The following TBC1D2B variants were observed in gnomAD, a reference collection of about 807,000 sequenced individuals.
The protein encoded by TBC1D2B is TBC1 domain family, member 2B.
In TBC1D2B, 64 loss-of-function variants were observed where a neutral mutation model predicts 100.8. The ratio of observed to expected loss-of-function variants is 0.64; its 90% CI spans 0.52 to 0.78. TBC1D2B has a LOEUF of 0.78. Among genes scored for constraint, TBC1D2B ranks in the 30% least tolerant of loss-of-function variants. The pLI is 0.00. For missense variants in TBC1D2B, 1,052 were observed against 1,218.4 expected (o/e 0.86, Z 2.03); for synonymous variants, 480 against 479.7 (o/e 1.00, Z -0.01).
At chr15:78,002,054 A>C in intron 11 of TBC1D2B, 2 of 175,884 alleles carry the variant, frequency 1.1e-5, no homozygotes, top group Non-Finnish European at 1.2e-5. Context: ...AAGAACAAAC[A>C]TAAGGAATCA....
chr15:78,049,680 C>T (rs139936972), intron 2 of TBC1D2B, among the ~76,000 whole-genome samples: 5 of 152,278 alleles, frequency 3.3e-5, no homozygotes, highest in Admixed American at 2.0e-4. Flanking sequence ...CAAATCTAGG[C>T]TGAGGATGTC....
intron 3 of TBC1D2B, among the ~76,000 whole-genome samples, chr15:78,030,522 T>G (rs1415924832): frequency 6.6e-6 from 1 of 152,152 alleles, no homozygotes; most frequent in Non-Finnish European, 1.5e-5. Flanking sequence ...TTGGCCAGGC[T>G]GGGCTCGAAC....
chr15:78,021,114 A>C (rs1042106009), intron 6 of TBC1D2B, among the ~76,000 whole-genome samples: 1 of 152,188 alleles, frequency 6.6e-6, no homozygotes, highest in Non-Finnish European at 1.5e-5. Flanking sequence ...TCCTAGGACC[A>C]ATGTTTATTC....
At position 78,020,088 on chromosome 15, in the gene TBC1D2B, G is replaced by A. The variant is rs148424140; in HGVS notation, c.1471-2131C>T. Among the ~76,000 whole-genome samples, 106 of 152,232 alleles carry A rather than the reference G, an allele frequency of 7.0e-4. No homozygotes were observed. In the East Asian group the frequency reaches 0.018, roughly 26 times the overall value. On this transcript the variant is annotated intron_variant, in intron 6 of 12. Coordinates refer to ENST00000300584, the MANE Select transcript of TBC1D2B (RefSeq NM_144572.2). ...TGTAGAGATGAGATCTCACTATGTT[G>A]CCCAGGCTGGTCTCAAACTCTTGGC...
chr15:78,064,888 T>A (rs1469931517), intron 1 of TBC1D2B, among the ~76,000 whole-genome samples: 4 of 152,232 alleles, frequency 2.6e-5, no homozygotes, highest in African/African-American at 7.2e-5. Flanking sequence ...CAAACCTCCA[T>A]TCCTCTACTG....
At position 78,003,366 on chromosome 15, in the gene TBC1D2B, T is replaced by C. The variant is rs2071968930; in HGVS notation, c.2513A>G (p.Asp838Gly). Residue 838 changes from aspartate to glycine, a missense_variant, in exon 11 of 13, where the codon GAT (aspartate) becomes GGT (glycine). Coordinates refer to ENST00000300584, the MANE Select transcript of TBC1D2B (RefSeq NM_144572.2). ...AAAGAGGATGTCACTAACGACACTA[T>C]CCACAAATACCACCAGAAACCAGTT... Reference protein sequence around the residue: ...TFNWFLVVFVDSVVSDILFKI... With the variant: ...TFNWFLVVFVGSVVSDILFKI... The C allele has an allele frequency of 1.2e-6, 2 of 1,613,912 alleles. No individual in the cohort carries two copies. The highest frequency in any genetic ancestry group is 1.7e-6 in the Non-Finnish European group (2 of 1,179,882).
intron 3 of TBC1D2B, among the ~76,000 whole-genome samples, chr15:78,035,446 A>C (rs893407585): frequency 6.6e-6 from 1 of 152,216 alleles, no homozygotes; most frequent in Non-Finnish European, 1.5e-5. Flanking sequence ...GCAAAACCAC[A>C]ACCTCTTCAG....
chr15:78,010,901 G>T (rs994526278), intron 9 of TBC1D2B, among the ~76,000 whole-genome samples: 9 of 152,154 alleles, frequency 5.9e-5, no homozygotes, highest in African/African-American at 2.2e-4. Context: ...CAATTATCTG[G>T]AAGTGTCATT....
intron 2 of TBC1D2B, among the ~76,000 whole-genome samples, chr15:78,049,014 T>C (rs1488198040): frequency 6.6e-6 from 1 of 152,240 alleles, no homozygotes; most frequent in Non-Finnish European, 1.5e-5. Flanking sequence ...GTGTCAACAC[T>C]GGGAGTTGGA....
At chr15:78,032,668 TA>T (rs140340266) in intron 3 of TBC1D2B, among the ~76,000 whole-genome samples, 8,128 of 146,114 alleles carry the variant, frequency 0.056, 275 homozygotes, top group Middle Eastern at 0.13. Context: ...CATAGAAAAT[TA>T]AAAAAAAAAG....
chr15:78,029,512 T>C (rs1275878957), intron 4 of TBC1D2B, among the ~76,000 whole-genome samples: 2 of 152,236 alleles, frequency 1.3e-5, no homozygotes, highest in Non-Finnish European at 2.9e-5. Flanking sequence ...TAAAGAGTCA[T>C]TATCTCTTAG....
At chr15:78,044,540 G>A (rs2073155766) in intron 3 of TBC1D2B, among the ~76,000 whole-genome samples, 1 of 152,232 alleles carries the variant, frequency 6.6e-6, no homozygotes, top group African/African-American at 2.4e-5. Context: ...GTCTTGGAGA[G>A]GGGACTAGGC....
chr15:78,007,987 A>G (rs758340363), intron 10 of TBC1D2B, among the ~76,000 whole-genome samples: 7 of 152,202 alleles, frequency 4.6e-5, no homozygotes, highest in Non-Finnish European at 1.0e-4. Context: ...GGGCAAGGAG[A>G]GGCTGTGAGC....
chr15:78,076,536 G>A (rs1032969150), intron 1 of TBC1D2B, among the ~76,000 whole-genome samples: 84 of 151,980 alleles, frequency 5.5e-4, no homozygotes, highest in Non-Finnish European at 1.6e-4. Context: ...TTTCGGCCCA[G>A]GAGTTCGAGA....
chr15:78,000,085 G>A (rs930033626), intron 12 of TBC1D2B, among the ~76,000 whole-genome samples: 2 of 152,214 alleles, frequency 1.3e-5, no homozygotes, highest in East Asian at 1.9e-4. Flanking sequence ...GCCCAGAGGC[G>A]GATTATGGGC....
At chr15:78,014,431 T>C (rs2072315327) in intron 8 of TBC1D2B, among the ~76,000 whole-genome samples, 1 of 152,162 alleles carries the variant, frequency 6.6e-6, no homozygotes, top group Non-Finnish European at 1.5e-5. Flanking sequence ...GAATTCCACT[T>C]CCAGTCTGCA....
At position 78,043,328 on chromosome 15, in the gene TBC1D2B, T is replaced by A. The variant is rs575842984; in HGVS notation, c.683+1572A>T. Among the ~76,000 whole-genome samples the A allele has an allele frequency of 5.1e-4, 78 of 152,288 alleles. No homozygotes were observed. In the South Asian group the frequency reaches 0.012, roughly 23 times the overall value. On this transcript the variant is annotated intron_variant, in intron 3 of 12. Coordinates refer to ENST00000300584, the MANE Select transcript of TBC1D2B (RefSeq NM_144572.2). Reference sequence around the variant, plus strand: ...GGCCAACTGCATAGTGACCACTGGCTTGGACTCTACAGGACAGCAAGAAAC... The same window carrying A: ...GGCCAACTGCATAGTGACCACTGGCATGGACTCTACAGGACAGCAAGAAAC...
chr15:78,003,598 C>A (rs1227925880), intron 10 of TBC1D2B, 108 bp from the exon 11 acceptor site: 13 of 765,156 alleles, frequency 1.7e-5, no homozygotes, highest in Non-Finnish European at 2.6e-5. Context: ...CAAGTGACAG[C>A]AGCACAACTG....
At chr15:78,071,754 G>T (rs1306097925) in intron 1 of TBC1D2B, among the ~76,000 whole-genome samples, 1 of 152,172 alleles carries the variant, frequency 6.6e-6, no homozygotes, top group Non-Finnish European at 1.5e-5. Context: ...TGCTTACTGG[G>T]TGACCATTTT....
Sources: gnomAD v4.1 joint callset for allele counts (sites outside exome capture counted in the v4.1 genomes callset) on GRCh38, gnomAD v4.1.1 for gene constraint, MANE v1.5 for transcripts, NCBI Gene and HGNC (gene_info 2026-07-23, HGNC 2026-07-21) for gene names.